Variants in SPOCK1 observed in about 807,000 individuals in gnomAD.
SPOCK1 encodes the protein SPARC (osteonectin), cwcv and kazal like domains proteoglycan 1, also known as testican-1.
A neutral mutation model predicts 55.3 loss-of-function variants in SPOCK1; 23 were observed. That is an observed-to-expected ratio of 0.42 (90% CI 0.30 to 0.59). The LOEUF is 0.59. Among genes scored for constraint, SPOCK1 ranks in the 20% least tolerant of loss-of-function variants. The pLI is 0.22. For synonymous variants in SPOCK1, 226 were observed against 221.0 expected, an observed-to-expected ratio of 1.02 and a Z score of -0.20; for missense variants, 499 against 552.5, an observed-to-expected ratio of 0.90 and a Z score of 0.97.
At chr5:137,406,854 G>A (rs1484454499) in intron 2 of SPOCK1, among the ~76,000 whole-genome samples, 1 of 152,218 alleles carries the variant, frequency 6.6e-6, no homozygotes, top group Admixed American at 6.5e-5. Flanking sequence ...GGACTGTTAA[G>A]AGGACTCAAT....
At chr5:137,266,940 G>C in intron 3 of SPOCK1, 70 bp downstream of exon 3, 1 of 1,387,402 alleles carries the variant, frequency 7.2e-7, no homozygotes, top group Non-Finnish European at 1.0e-6. Context: ...CATTAACTCA[G>C]CATGCAAGGA....
At chr5:137,223,518 A>G (rs1755894723) in intron 3 of SPOCK1, among the ~76,000 whole-genome samples, 1 of 152,114 alleles carries the variant, frequency 6.6e-6, no homozygotes, top group Non-Finnish European at 1.5e-5. Flanking sequence ...TCTTAATTCC[A>G]GGGACCATCC....
At chr5:137,376,123 G>A (rs905345606) in intron 2 of SPOCK1, among the ~76,000 whole-genome samples, 12 of 152,198 alleles carry the variant, frequency 7.9e-5, no homozygotes, top group African/African-American at 2.9e-4. Context: ...CCACACAGTA[G>A]ACAACCGCAG....
At chr5:137,221,678 T>C (rs1458879755) in intron 3 of SPOCK1, among the ~76,000 whole-genome samples, 2 of 152,236 alleles carry the variant, frequency 1.3e-5, no homozygotes, top group Non-Finnish European at 2.9e-5. Context: ...CATTATGATA[T>C]GTGTTTAGAC....
intron 3 of SPOCK1, among the ~76,000 whole-genome samples, chr5:137,220,756 C>CAAA (rs1755832284): frequency 1.3e-5 from 2 of 152,214 alleles, no homozygotes; most frequent in African/African-American, 2.4e-5. Context: ...CACTAAGAGG[C>CAAA]TGTGTCAGCG....
intron 5 of SPOCK1, among the ~76,000 whole-genome samples, chr5:137,080,784 A>C (rs1752867678): frequency 6.6e-6 from 1 of 152,222 alleles, no homozygotes. Flanking sequence ...TGAGTGAAGA[A>C]AACTACAGAA....
chr5:137,424,807 G>A (rs1426248115), intron 2 of SPOCK1, among the ~76,000 whole-genome samples: 1 of 152,220 alleles, frequency 6.6e-6, no homozygotes, highest in East Asian at 1.9e-4. Context: ...GAAAGTAGAT[G>A]AGAGGTCTCC....
chr5:137,426,864 G>A (rs969722799), intron 2 of SPOCK1, among the ~76,000 whole-genome samples: 2 of 152,116 alleles, frequency 1.3e-5, no homozygotes, highest in African/African-American at 4.8e-5. Context: ...AGATGCCAAC[G>A]GACTTCCATA....
intron 6 of SPOCK1, among the ~76,000 whole-genome samples, chr5:137,040,040 A>G (rs573251730): frequency 6.6e-6 from 1 of 152,376 alleles, no homozygotes; most frequent in South Asian, 2.1e-4. Context: ...CGGAGCTGTC[A>G]TGCACAGCCA....
rs761888434 is a variant in SPOCK1, at chr5:137,498,470, C to T, written c.89G>A (p.Gly30Asp). ...GAAATTGCCGTGGTTGGGGCCCGCG[C>T]CTCCGGCGAGCGCGTCCAGGTGCCG... ...ESRHLDALAG[G>D]AGPNHGNFLD... Residue 30 changes from glycine to aspartate, a missense_variant, in exon 2 of 11, where the codon GGC becomes GAC. Coordinates refer to ENST00000394945, the MANE Select transcript of SPOCK1 (RefSeq NM_004598.4). 4.4e-6 allele frequency: 7 copies of T among 1,606,190 alleles called. No individual in the cohort carries two copies. In the Admixed American group the frequency reaches 1.0e-4, roughly 23 times the overall value.
rs1359136610 is a variant in SPOCK1 at position 136,985,397 on chromosome 5, C to T, written c.929-195G>A. Among the ~76,000 whole-genome samples, 4 of 152,172 alleles carry T rather than the reference C, an allele frequency of 2.6e-5. No homozygotes were observed. In the East Asian group the frequency reaches 7.7e-4, roughly 29 times the overall value. Reference sequence around the variant, plus strand: ...AAAAAACAAACCTCATACCACAATGCACTTAAAATAGTATTTGGGGGCCAC... The same window carrying T: ...AAAAAACAAACCTCATACCACAATGTACTTAAAATAGTATTTGGGGGCCAC... On this transcript the variant is annotated intron_variant, in intron 8 of 10. Transcript: ENST00000394945.
At chr5:137,050,223 G>A in intron 6 of SPOCK1, among the ~76,000 whole-genome samples, 1 of 86,226 alleles carries the variant, frequency 1.2e-5, no homozygotes. Context: ...GGCAATGGCG[G>A]GCGCCCCTCC....
intron 6 of SPOCK1, among the ~76,000 whole-genome samples, chr5:137,037,938 C>T (rs998499843): frequency 6.6e-6 from 1 of 152,132 alleles, no homozygotes; most frequent in African/African-American, 2.4e-5. Flanking sequence ...GAGGCCATAT[C>T]AGATTTGTCA....
Position 137,132,019 on chromosome 5 carries a change from T to A in SPOCK1, c.347+8561A>T, listed in dbSNP as rs865978333. Reference sequence around the variant, plus strand: ...ATATATATATATATATATATATATATAAAAAATTAGCTGGGCATGGTGGCA... The same window carrying A: ...ATATATATATATATATATATATATAAAAAAAATTAGCTGGGCATGGTGGCA... On this transcript the variant is annotated intron_variant, in intron 4 of 10. Transcript: ENST00000394945. 3.0e-3 allele frequency among the ~76,000 whole-genome samples: 167 copies of A among 56,020 alleles called. 2 individuals are homozygous for A. The highest frequency in any genetic ancestry group is 0.011 in the Middle Eastern group (1 of 88). 36.8% of individuals were successfully genotyped at this position (56,020 alleles called of 152,430 possible). A position where few individuals can be genotyped will look rare whatever the true frequency, so the allele number is the denominator to read the frequency against.
chr5:137,256,118 T>C (rs1756625460), intron 3 of SPOCK1, among the ~76,000 whole-genome samples: 1 of 152,168 alleles, frequency 6.6e-6, no homozygotes, highest in Non-Finnish European at 1.5e-5. Context: ...GGAAGTGGCA[T>C]ATGTTTCTAA....
chr5:137,208,604 G>A (rs904439776), intron 3 of SPOCK1, among the ~76,000 whole-genome samples: 2 of 152,188 alleles, frequency 1.3e-5, no homozygotes, highest in Non-Finnish European at 2.9e-5. Flanking sequence ...ATTAATGCAG[G>A]AAGAGAAAAC....
At chr5:137,242,884 G>C (rs1201254734) in intron 3 of SPOCK1, among the ~76,000 whole-genome samples, 2 of 152,184 alleles carry the variant, frequency 1.3e-5, no homozygotes, top group East Asian at 3.8e-4. Flanking sequence ...CTTGGAGAAA[G>C]AGAATATATA....
intron 2 of SPOCK1, among the ~76,000 whole-genome samples, chr5:137,274,242 A>G (rs1757020828): frequency 6.6e-6 from 1 of 152,210 alleles, no homozygotes; most frequent in Non-Finnish European, 1.5e-5. Context: ...AAAATTATCA[A>G]ATTGAGCTGG....
chr5:137,371,065 C>T (rs1261698704), intron 2 of SPOCK1, among the ~76,000 whole-genome samples: 2 of 152,198 alleles, frequency 1.3e-5, no homozygotes, highest in African/African-American at 4.8e-5. Context: ...ATTTTCTGGG[C>T]TTATGCCTTC....
Sources: allele counts gnomAD v4.1 joint callset (sites outside exome capture counted in the v4.1 genomes callset), GRCh38; gene constraint gnomAD v4.1.1; transcripts MANE v1.5; gene names NCBI Gene and HGNC (gene_info 2026-07-23, HGNC 2026-07-21).